FER: variants seen among roughly 807,000 people sequenced by gnomAD.
FER encodes the protein tyrosine-protein kinase Fer.
In FER, 63 loss-of-function variants were observed where a neutral mutation model predicts 111.0. The observed-to-expected ratio is 0.57, with a 90% confidence interval of 0.46 to 0.70. The LOEUF (loss-of-function observed/expected upper bound fraction) is 0.70, where lower values mean the gene tolerates loss of function less well. Ranked by LOEUF, FER falls within the 30% of genes least tolerant of loss-of-function variation. The pLI is 0.00. For missense variants in FER, 914 were observed against 954.0 expected, an observed-to-expected ratio of 0.96 and a Z score of 0.55; for synonymous variants, 327 against 313.9, an observed-to-expected ratio of 1.04 and a Z score of -0.44.
intron 10 of FER, among the ~76,000 whole-genome samples, chr5:108,906,054 G>A (rs1287841901): frequency 2.6e-5 from 4 of 152,160 alleles, no homozygotes; most frequent in Non-Finnish European, 5.9e-5. Context: ...ACTTAAGTAA[G>A]TGCAGGGTAT....
intron 10 of FER, among the ~76,000 whole-genome samples, chr5:108,923,955 G>T (rs1167028491): frequency 3.3e-5 from 5 of 152,122 alleles, no homozygotes; most frequent in Non-Finnish European, 1.5e-5. Flanking sequence ...TTCAAGAAGT[G>T]CTTGAAAGTG....
At chr5:108,913,447 T>G (rs1322213345) in intron 10 of FER, among the ~76,000 whole-genome samples, 1 of 152,170 alleles carries the variant, frequency 6.6e-6, no homozygotes, top group Non-Finnish European at 1.5e-5. Context: ...AAGGAAAGGA[T>G]GCAGAGTGAT....
intron 2 of FER, among the ~76,000 whole-genome samples, chr5:108,776,812 A>T (rs1345770185): frequency 6.6e-6 from 1 of 152,226 alleles, no homozygotes; most frequent in African/African-American, 2.4e-5. Context: ...AAATTAAATA[A>T]CATTAAACAA....
chr5:109,180,684 T>G, intron 17 of FER, 63 bp from the exon 18 acceptor site: 1 of 1,519,968 alleles, frequency 6.6e-7, no homozygotes, highest in Non-Finnish European at 8.9e-7. Context: ...GTGGAAATCA[T>G]AAATGTGAAA....
At chr5:109,047,652 C>T (rs1438451649) in intron 16 of FER, among the ~76,000 whole-genome samples, 1 of 152,044 alleles carries the variant, frequency 6.6e-6, no homozygotes, top group Non-Finnish European at 1.5e-5. Context: ...TCAGGCTGGT[C>T]TTGAACTTCT....
At chr5:109,070,133 ATT>A (rs3839303) in intron 16 of FER, among the ~76,000 whole-genome samples, 4 of 149,010 alleles carry the variant, frequency 2.7e-5, no homozygotes, top group African/African-American at 7.4e-5. Flanking sequence ...ATAAAGGTTG[ATT>A]TTTTTTTTTC....
At chr5:108,977,239 G>A (rs1761472081) in intron 13 of FER, among the ~76,000 whole-genome samples, 1 of 152,090 alleles carries the variant, frequency 6.6e-6, no homozygotes, top group Non-Finnish European at 1.5e-5. Flanking sequence ...AGCTATAAAT[G>A]GCACCATGTA....
At chr5:108,939,994 C>G (rs561773231) in intron 10 of FER, among the ~76,000 whole-genome samples, 1 of 152,012 alleles carries the variant, frequency 6.6e-6, no homozygotes, top group African/African-American at 2.4e-5. Context: ...TTTATTGCGT[C>G]CTTGTGAGGT....
At chr5:108,806,205 G>C (rs1757190476) in intron 3 of FER, among the ~76,000 whole-genome samples, 1 of 152,226 alleles carries the variant, frequency 6.6e-6, no homozygotes. Flanking sequence ...GCTTCCACGT[G>C]GTGTTGAGCC....
intron 3 of FER, chr5:108,820,152 C>T: frequency 1.0e-6 from 1 of 985,266 alleles, no homozygotes; most frequent in Non-Finnish European, 1.2e-6. Flanking sequence ...TCCAAATAGG[C>T]CATTATTGTT....
chr5:108,969,020 CAG>C (rs926239783), intron 13 of FER, among the ~76,000 whole-genome samples: 58 of 152,132 alleles, frequency 3.8e-4, no homozygotes, highest in African/African-American at 1.3e-3. Flanking sequence ...AATTTAATAA[CAG>C]TGTCTTGACA....
chr5:108,900,695 G>C (rs1749883144), intron 10 of FER, among the ~76,000 whole-genome samples: 1 of 152,252 alleles, frequency 6.6e-6, no homozygotes, highest in South Asian at 2.1e-4. Flanking sequence ...ACTCTTCGGT[G>C]GTGAATGCTT....
At chr5:108,807,691 C>G (rs1192504716) in intron 3 of FER, among the ~76,000 whole-genome samples, 1 of 152,048 alleles carries the variant, frequency 6.6e-6, no homozygotes, top group Non-Finnish European at 1.5e-5. Context: ...TTTTCTTGAT[C>G]TTCTAGGTAT....
In FER at chr5:109,062,959, GTT is replaced by G. The variant is rs372420218; in HGVS notation, c.1924+15764_1924+15765del. On this transcript the variant is annotated intron_variant, in intron 16 of 19. Transcript: ENST00000281092. Reference sequence around the variant, plus strand: ...TTGGAACTTTTAGAATTTTTGAAGAGTTTTCACCAGGCTTAAGACATTGTCAG... The same window carrying G: ...TTGGAACTTTTAGAATTTTTGAAGAGTTCACCAGGCTTAAGACATTGTCAG... Among the ~76,000 whole-genome samples the G allele has an allele frequency of 5.5e-4, 83 of 152,242 alleles. 1 individual carries two copies. The South Asian group carries it at 0.017, about 32-fold the overall frequency.
At chr5:108,820,305 A>G in intron 3 of FER, 1 of 985,412 alleles carries the variant, frequency 1.0e-6, no homozygotes, top group Non-Finnish European at 1.2e-6. Context: ...GCTGGAACTG[A>G]AAGGGACTGT....
chr5:109,165,494 A>T (rs1375905839), intron 17 of FER, among the ~76,000 whole-genome samples: 1 of 152,124 alleles, frequency 6.6e-6, no homozygotes, highest in East Asian at 1.9e-4. Flanking sequence ...GAAGGAAAGG[A>T]GACAACATGA....
At chr5:109,091,099 T>A (rs1778119021) in intron 16 of FER, among the ~76,000 whole-genome samples, 1 of 152,198 alleles carries the variant, frequency 6.6e-6, no homozygotes, top group Admixed American at 6.5e-5. Flanking sequence ...TTGAACCAAT[T>A]TAATAAGGAA....
intron 5 of FER, among the ~76,000 whole-genome samples, chr5:108,862,864 C>G (rs942855001): frequency 6.6e-6 from 1 of 151,614 alleles, no homozygotes; most frequent in Non-Finnish European, 1.5e-5. Context: ...GACTAAAAAC[C>G]AAAAACCTTG....
rs116382584 is a variant in FER at position 108,941,849 on chromosome 5, A to G, written c.1237-4281A>G. Among the ~76,000 whole-genome samples, 599 of 152,302 alleles carry G rather than the reference A, an allele frequency of 3.9e-3. 5 individuals carry two copies. The highest frequency in any genetic ancestry group is 0.014 in the African/African-American group (576 of 41,580). On this transcript the variant is annotated intron_variant, in intron 10 of 19. Coordinates refer to ENST00000281092, the MANE Select transcript of FER (RefSeq NM_005246.4). ...GGATCTTTAGGACAGTGTTGGCTAC[A>G]TGTTGTTAAACATTTGTCCAAACCC... is the stretch of plus-strand genomic sequence containing the variant.
Sources: allele counts gnomAD v4.1 joint callset (sites outside exome capture counted in the v4.1 genomes callset), GRCh38; gene constraint gnomAD v4.1.1; transcripts MANE v1.5; gene names NCBI Gene and HGNC (gene_info 2026-07-23, HGNC 2026-07-21).